KSR2: variants seen among roughly 807,000 people sequenced by gnomAD.
KSR2 encodes the protein kinase suppressor of ras 2.
In KSR2, 25 loss-of-function variants were observed where a neutral mutation model predicts 107.8. The ratio of observed to expected loss-of-function variants is 0.23; its 90% confidence interval spans 0.17 to 0.32. KSR2 has a LOEUF of 0.32. Among genes scored for constraint, KSR2 ranks in the 10% least tolerant of loss-of-function variants. The probability of loss-of-function intolerance (pLI) is 1.00; values close to 1 mark genes in which losing one functional copy is unlikely to be tolerated. For missense variants in KSR2, 887 were observed against 1,268.9 expected, an observed-to-expected ratio of 0.70 and a Z score of 4.57; for synonymous variants, 480 against 507.0, an observed-to-expected ratio of 0.95 and a Z score of 0.71.
chr12:117,731,231 C>G (rs1450571042), intron 4 of KSR2, among the ~76,000 whole-genome samples: 1 of 144,952 alleles, frequency 6.9e-6, no homozygotes, highest in Non-Finnish European at 1.5e-5. Flanking sequence ...GTGTCTCTGC[C>G]CAGCCGCCCC....
At chr12:117,653,012 C>T (rs1286629289) in intron 5 of KSR2, among the ~76,000 whole-genome samples, 1 of 152,202 alleles carries the variant, frequency 6.6e-6, no homozygotes. Flanking sequence ...ATTAGAGCTG[C>T]CTCTACCTAG....
rs188049309 is a variant in KSR2 at position 117,802,816 on chromosome 12, G to A, written c.473-41292C>T. ...CCAAGTGTGAGGCTCAGGAGAGAGC[G>A]ACATATTGACTCCCAGCCCCGGCTC... On this transcript the variant is annotated intron_variant, in intron 3 of 19. Coordinates refer to ENST00000339824, the MANE Select transcript of KSR2 (RefSeq NM_173598.6). Among the ~76,000 whole-genome samples the A allele has an allele frequency of 1.5e-3, 235 of 152,230 alleles. 1 individual carries two copies. Among genetic ancestry groups the A allele is most frequent in the African/African-American group, 5.3e-3 (220 of 41,538 alleles).
At chr12:117,559,023 G>T (rs965785236) in intron 7 of KSR2, among the ~76,000 whole-genome samples, 9 of 145,716 alleles carry the variant, frequency 6.2e-5, no homozygotes, top group Non-Finnish European at 1.1e-4. Context: ...TAAATAAATG[G>T]ATAGATGGAT....
At chr12:117,669,389 G>A (rs959394204) in intron 4 of KSR2, among the ~76,000 whole-genome samples, 23 of 152,038 alleles carry the variant, frequency 1.5e-4, no homozygotes, top group African/African-American at 5.3e-4. Flanking sequence ...GTCACATCCT[G>A]GCCATTTCTT....
At chr12:117,916,648 A>G (rs1478292804) in intron 1 of KSR2, among the ~76,000 whole-genome samples, 1 of 152,148 alleles carries the variant, frequency 6.6e-6, no homozygotes, top group Non-Finnish European at 1.5e-5. Context: ...TGGTTCTAAA[A>G]CAGGTCCCCC....
chr12:117,851,754 G>T (rs1039178332), intron 3 of KSR2, among the ~76,000 whole-genome samples: 2 of 152,070 alleles, frequency 1.3e-5, no homozygotes, highest in African/African-American at 4.8e-5. Context: ...AGAGCAGCAT[G>T]GTGGCGCATG....
intron 1 of KSR2, among the ~76,000 whole-genome samples, chr12:117,928,774 T>C (rs1159865476): frequency 6.6e-6 from 1 of 152,238 alleles, no homozygotes; most frequent in Non-Finnish European, 1.5e-5. Context: ...ATTTGTTGAA[T>C]ATTTACAAGC....
Position 117,459,016 on chromosome 12 carries a change from C to G in KSR2, c.*8183G>C, listed in dbSNP as rs1870764451. 1 of 152,256 alleles carries G rather than the reference C, an allele frequency of 6.6e-6. No individual in the cohort carries two copies. The highest frequency in any genetic ancestry group is 1.5e-5 in the Non-Finnish European group (1 of 68,058). 9.4% of individuals were successfully genotyped at this position (152,256 alleles called of 1,614,324 possible). On this transcript the variant is annotated 3_prime_UTR_variant, in exon 20 of 20. Transcript: ENST00000339824. ...TCCTTAAGGCCCCCATATGCCGTGA[C>G]TTCCAGCCCAGCTGTTACTAGACTG...
Position 117,581,039 on chromosome 12 carries a change from C to G in KSR2, c.1241+1251G>C, listed in dbSNP as rs138142273. On this transcript the variant is annotated intron_variant, in intron 6 of 19. Transcript: ENST00000339824. ...CAAAAAAAGGCCCTTGTCTTTGATG[C>G]CTTTCTCTCTGCAGCTCAAGGCCTG... is the stretch of plus-strand genomic sequence containing the variant. 5.5e-3 allele frequency among the ~76,000 whole-genome samples: 837 copies of G among 152,322 alleles called. 4 individuals carry two copies. Among genetic ancestry groups the G allele is most frequent in the Non-Finnish European group, 9.1e-3 (617 of 68,030 alleles).
At chr12:117,959,223 C>T (rs763526740) in intron 1 of KSR2, among the ~76,000 whole-genome samples, 8 of 152,168 alleles carry the variant, frequency 5.3e-5, no homozygotes, top group Admixed American at 2.6e-4. Context: ...GAGCTCCAAG[C>T]TCACACATCC....
chr12:117,875,201 G>A (rs1212798133), intron 1 of KSR2, among the ~76,000 whole-genome samples: 4 of 152,142 alleles, frequency 2.6e-5, no homozygotes, highest in Admixed American at 2.6e-4. Context: ...AAAAATAATT[G>A]TGTCTGAAAT....
chr12:117,473,896 C>T (rs1258652721), intron 17 of KSR2, among the ~76,000 whole-genome samples: 1 of 152,170 alleles, frequency 6.6e-6, no homozygotes, highest in Non-Finnish European at 1.5e-5. Flanking sequence ...AGTATTCTCA[C>T]CTGTCAATTG....
intron 1 of KSR2, among the ~76,000 whole-genome samples, chr12:117,916,131 TC>T (rs1895164197): frequency 1.4e-5 from 2 of 141,828 alleles, no homozygotes; most frequent in African/African-American, 5.5e-5. Flanking sequence ...TTTTATTTCT[TC>T]TTCTTTTTTT....
intron 5 of KSR2, among the ~76,000 whole-genome samples, chr12:117,659,728 C>T (rs1182356072): frequency 2.0e-5 from 3 of 152,202 alleles, no homozygotes. Context: ...TTCTGAGGCC[C>T]TTTCCAGCTC....
intron 14 of KSR2, among the ~76,000 whole-genome samples, chr12:117,519,771 TGTGTGTGTGTGC>T (rs941047905): frequency 6.6e-6 from 1 of 151,444 alleles, no homozygotes; most frequent in East Asian, 1.9e-4. Context: ...GAGGAGCGAG[TGTGTGTGTGTGC>T]GTGTGTGTGT....
At chr12:117,723,988 A>G (rs1313333360) in intron 4 of KSR2, among the ~76,000 whole-genome samples, 1 of 152,110 alleles carries the variant, frequency 6.6e-6, no homozygotes, top group Non-Finnish European at 1.5e-5. Flanking sequence ...TTAAAACATA[A>G]TATGTTTTAA....
chr12:117,901,447 C>A (rs544982037), intron 1 of KSR2, among the ~76,000 whole-genome samples: 1 of 151,742 alleles, frequency 6.6e-6, no homozygotes, highest in East Asian at 1.9e-4. Flanking sequence ...GGACTACAGA[C>A]GCCTGCCACC....
intron 3 of KSR2, among the ~76,000 whole-genome samples, chr12:117,773,579 G>C (rs1177627491): frequency 6.6e-6 from 1 of 152,180 alleles, no homozygotes; most frequent in Non-Finnish European, 1.5e-5. Context: ...GTGACAGAGA[G>C]TCTACCATTC....
intron 1 of KSR2, chr12:117,889,699 G>A (rs1487283557): frequency 6.6e-6 from 1 of 152,228 alleles, no homozygotes; most frequent in African/African-American, 2.4e-5. Context: ...CTTGCCAAAT[G>A]TCAGGAACTT....
Sources: allele counts gnomAD v4.1 joint callset (sites outside exome capture counted in the v4.1 genomes callset), GRCh38; gene constraint gnomAD v4.1.1; transcripts MANE v1.5; gene names NCBI Gene and HGNC (gene_info 2026-07-23, HGNC 2026-07-21).